The following LRP1B variants were observed in gnomAD, a reference collection of about 807,000 sequenced individuals.
LRP1B encodes low-density lipoprotein receptor-related protein 1B.
Under a neutral mutation model 556.6 loss-of-function variants are expected in LRP1B, and 217 were observed. That is an observed-to-expected ratio of 0.39 (90% CI 0.35 to 0.44). The LOEUF is 0.44. Ranked by LOEUF, LRP1B falls within the 20% of genes least tolerant of loss-of-function variation. The probability of loss-of-function intolerance (pLI) is 1.00; values close to 1 mark genes in which losing one functional copy is unlikely to be tolerated. For missense variants in LRP1B, 5,053 were observed against 5,620.8 expected, an observed-to-expected ratio of 0.90 and a Z score of 3.23; for synonymous variants, 2,047 against 1,865.8, an observed-to-expected ratio of 1.10 and a Z score of -2.50.
rs1365725352 is a variant in LRP1B, at chr2:140,559,467, A to T, written c.7195-17496T>A. Reference sequence around the variant, plus strand: ...TTGTATTTCTGTATACTAGGAAGGAAAAAATAGAAATTAAAATTAAATCAA... The same window carrying T: ...TTGTATTTCTGTATACTAGGAAGGATAAAATAGAAATTAAAATTAAATCAA... On this transcript the variant is annotated intron_variant, in intron 43 of 90. Coordinates refer to ENST00000389484, the MANE Select transcript of LRP1B (RefSeq NM_018557.3). 3.9e-5 allele frequency among the ~76,000 whole-genome samples: 6 copies of T among 152,280 alleles called. No homozygotes were observed. In the South Asian group the frequency reaches 8.3e-4, roughly 21 times the overall value.
Position 141,229,197 on chromosome 2 carries a change from A to C in LRP1B, c.836T>G (p.Leu279Arg), listed in dbSNP as rs754872451. The change falls in exon 6 of 91, where the codon CTT (leucine) becomes CGT (arginine). Residue 279 changes from leucine to arginine, a missense_variant. This residue lies in a region of LRP1B where 3,619 missense variants were observed against 3,931.9 expected (regional missense o/e 0.92). Coordinates refer to ENST00000389484, the MANE Select transcript of LRP1B (RefSeq NM_018557.3). Reference sequence around the variant, plus strand: ...GAAACACTTACTGTGGAAGGATTGAAGAATATTGATTGTCCATTCATCTGT... The same window carrying C: ...GAAACACTTACTGTGGAAGGATTGACGAATATTGATTGTCCATTCATCTGT... ...GLTDEWTINI[L>R]QSFHNVQQMA... The C allele has an allele frequency of 2.6e-5, 42 of 1,612,976 alleles. No homozygotes were observed. Among genetic ancestry groups the C allele is most frequent in the Non-Finnish European group, 3.6e-5 (42 of 1,179,428 alleles).
chr2:140,561,602 C>T (rs540490583), intron 43 of LRP1B, among the ~76,000 whole-genome samples: 5 of 151,672 alleles, frequency 3.3e-5, no homozygotes, highest in East Asian at 1.9e-4. Context: ...CTTTTCAGCC[C>T]GACAGAATGA....
intron 81 of LRP1B, among the ~76,000 whole-genome samples, chr2:140,322,662 T>C (rs1259760246): frequency 6.6e-6 from 1 of 152,048 alleles, no homozygotes; most frequent in African/African-American, 2.4e-5. Context: ...TGTGTGCATG[T>C]CTAAATGTGT....
chr2:140,466,596 A>G (rs1373517402), intron 60 of LRP1B, among the ~76,000 whole-genome samples: 1 of 152,222 alleles, frequency 6.6e-6, no homozygotes, highest in Non-Finnish European at 1.5e-5. Flanking sequence ...GTGGTAAACT[A>G]TAGTTCAGAA....
intron 73 of LRP1B, 109 bp from the exon 74 acceptor site, chr2:140,358,225 C>T: frequency 9.3e-7 from 1 of 1,078,622 alleles, no homozygotes; most frequent in Non-Finnish European, 1.3e-6. Flanking sequence ...CATGGGTTTA[C>T]AATCCTTTAT....
chr2:141,599,966 C>A (rs1284902023), intron 2 of LRP1B, among the ~76,000 whole-genome samples: 1 of 152,002 alleles, frequency 6.6e-6, no homozygotes, highest in Non-Finnish European at 1.5e-5. Context: ...CCACACACAC[C>A]CACACCTTTC....
chr2:140,326,001 C>A, intron 79 of LRP1B, 123 bp from the exon 80 acceptor site: 2 of 633,582 alleles, frequency 3.2e-6, no homozygotes, highest in Non-Finnish European at 2.8e-6. Flanking sequence ...TAGAAATTAC[C>A]TGGTGCCCAT....
intron 32 of LRP1B, among the ~76,000 whole-genome samples, chr2:140,809,913 T>C (rs1335417821): frequency 6.6e-6 from 1 of 152,206 alleles, no homozygotes; most frequent in East Asian, 1.9e-4. Flanking sequence ...AAGAAGCTCA[T>C]GCTTTTTATG....
intron 2 of LRP1B, among the ~76,000 whole-genome samples, chr2:141,672,439 C>T (rs1690707405): frequency 6.6e-6 from 1 of 152,132 alleles, no homozygotes; most frequent in Non-Finnish European, 1.5e-5. Flanking sequence ...CTATTCTATG[C>T]TATTTCTAGT....
chr2:141,834,017 G>A (rs1328093707), intron 1 of LRP1B, among the ~76,000 whole-genome samples: 2 of 151,714 alleles, frequency 1.3e-5, no homozygotes, highest in African/African-American at 4.8e-5. Flanking sequence ...ATACACAAAG[G>A]CACTTAGAGA....
chr2:140,749,681 T>A (rs1321738562), intron 35 of LRP1B, among the ~76,000 whole-genome samples: 1 of 152,192 alleles, frequency 6.6e-6, no homozygotes, highest in Middle Eastern at 3.2e-3. Context: ...TAACAATGCC[T>A]TCTTCTGGAA....
At chr2:140,547,408 C>T (rs945244028) in intron 43 of LRP1B, among the ~76,000 whole-genome samples, 1 of 152,000 alleles carries the variant, frequency 6.6e-6, no homozygotes, top group Non-Finnish European at 1.5e-5. Context: ...AGGAATTAAT[C>T]TATTTATTCT....
chr2:140,276,326 A>G (rs991308997), intron 84 of LRP1B, among the ~76,000 whole-genome samples: 9 of 151,914 alleles, frequency 5.9e-5, no homozygotes, highest in Admixed American at 4.6e-4. Flanking sequence ...TTGCTGTTGC[A>G]CTGTGCCAGG....
chr2:141,680,373 T>C (rs13410976), intron 2 of LRP1B, among the ~76,000 whole-genome samples: 33,877 of 152,002 alleles, frequency 0.22, 4,526 homozygotes, highest in East Asian at 0.51. Flanking sequence ...TAATTTGTGC[T>C]AACATAGACA....
At chr2:141,359,431 T>TA (rs1226686099) in intron 3 of LRP1B, among the ~76,000 whole-genome samples, 12 of 152,092 alleles carry the variant, frequency 7.9e-5, no homozygotes. Flanking sequence ...ATAAATGACT[T>TA]ACGAGGAAAA....
intron 1 of LRP1B, among the ~76,000 whole-genome samples, chr2:142,078,872 G>A (rs1705608355): frequency 8.8e-6 from 1 of 113,600 alleles, no homozygotes; most frequent in Non-Finnish European, 2.0e-5. Flanking sequence ...CTATGTAGTT[G>A]TAATCTAGAT....
intron 83 of LRP1B, among the ~76,000 whole-genome samples, chr2:140,307,580 T>C (rs1250811026): frequency 6.6e-6 from 1 of 151,772 alleles, no homozygotes; most frequent in African/African-American, 2.4e-5. Flanking sequence ...ATATTTTCTA[T>C]TATATGGATA....
chr2:141,063,528 T>C (rs1232298653), intron 7 of LRP1B, among the ~76,000 whole-genome samples: 3 of 151,830 alleles, frequency 2.0e-5, no homozygotes, highest in Non-Finnish European at 4.4e-5. Flanking sequence ...GGTGAAGATC[T>C]TTCTAGTCTA....
rs116641202 is a variant in LRP1B, at chr2:140,583,521, C to T, written c.7194+15110G>A. Among the ~76,000 whole-genome samples, 706 of 151,968 alleles carry T rather than the reference C, an allele frequency of 4.6e-3. 4 individuals are homozygous for T. The highest frequency in any genetic ancestry group is 6.6e-3 in the South Asian group (32 of 4,818). On this transcript the variant is annotated intron_variant, in intron 43 of 90. Coordinates refer to ENST00000389484, the MANE Select transcript of LRP1B (RefSeq NM_018557.3). ...TAAAACTATTTAGTTTTTCTTCCCT[C>T]TAAGATACGTCTTTACTTATATTAT...
Sources: gnomAD v4.1 joint callset for allele counts (sites outside exome capture counted in the v4.1 genomes callset) on GRCh38, gnomAD v4.1.1 for gene constraint, gnomAD v4.1.1 regional missense constraint, MANE v1.5 for transcripts, NCBI Gene and HGNC (gene_info 2026-07-23, HGNC 2026-07-21) for gene names.